XRCC6: variants seen among roughly 807,000 people sequenced by gnomAD.
XRCC6 encodes DNA repair protein Ku70.
XRCC6 carries 5 observed loss-of-function variants against 65.7 expected under a neutral mutation model. The ratio of observed to expected loss-of-function variants is 0.08; its 90% CI spans 0.04 to 0.16. The LOEUF (loss-of-function observed/expected upper bound fraction) is 0.16. XRCC6 is among the 10% of genes least tolerant of loss of function. The pLI, the probability that XRCC6 is intolerant of heterozygous loss-of-function variation, is 1.00. For missense variants in XRCC6, 447 were observed against 738.1 expected (o/e 0.61, Z 4.57); for synonymous variants, 270 against 270.6 (o/e 1.00, Z 0.02).
intron 9 of XRCC6, among the ~76,000 whole-genome samples, chr22:41,654,628 T>C (rs1221445342): frequency 6.6e-6 from 1 of 152,206 alleles, no homozygotes; most frequent in Non-Finnish European, 1.5e-5. Flanking sequence ...AGCCAGTAAC[T>C]GAACTAAAAT....
At chr22:41,660,570 CCATGA>C in intron 11 of XRCC6, among the ~76,000 whole-genome samples, 1 of 152,268 alleles carries the variant, frequency 6.6e-6, no homozygotes, top group East Asian at 1.9e-4. Flanking sequence ...ATCCCAGCTT[CCATGA>C]CCTCATCATA....
chr22:41,653,776 T>G, intron 9 of XRCC6, 86 bp downstream of exon 9: 2 of 1,470,642 alleles, frequency 1.4e-6, no homozygotes, highest in Non-Finnish European at 1.8e-6. Context: ...ACCTACTGAA[T>G]CATAGTCTCT....
chr22:41,663,186 C>T (rs997133985), intron 12 of XRCC6, among the ~76,000 whole-genome samples: 1 of 152,180 alleles, frequency 6.6e-6, no homozygotes, highest in African/African-American at 2.4e-5. Flanking sequence ...CTCACTGTAG[C>T]CTCAACCTCC....
In XRCC6 at chr22:41,663,905, T is replaced by G. The variant is rs950942872; in HGVS notation, c.*90T>G. 5 of 1,397,930 alleles carry G rather than the reference T, an allele frequency of 3.6e-6. No homozygotes were observed. Among genetic ancestry groups the G allele is most frequent in the Non-Finnish European group, 4.9e-6 (5 of 1,028,430 alleles). 86.6% of individuals were successfully genotyped at this position (1,397,930 alleles called of 1,614,324 possible). On this transcript the variant is annotated 3_prime_UTR_variant, in exon 13 of 13. Transcript: ENST00000360079. ...CAGTTAAAATGTGTTTCTCCTGAGC[T>G]AGGAAGAGTCTACCCGACATAAGTC...
At chr22:41,639,208 A>G (rs1354943149) in intron 6 of XRCC6, among the ~76,000 whole-genome samples, 1 of 152,150 alleles carries the variant, frequency 6.6e-6, no homozygotes, top group Admixed American at 6.6e-5. Context: ...GAAGAGCACA[A>G]AACAGAGCCT....
chr22:41,622,864 G>A (rs914523112), intron 2 of XRCC6, among the ~76,000 whole-genome samples: 2 of 151,542 alleles, frequency 1.3e-5, no homozygotes, highest in Admixed American at 6.6e-5. Flanking sequence ...AGAATGGTGC[G>A]AACCTGGGAG....
At position 41,663,654 on chromosome 22, in the gene XRCC6, G is replaced by A; in HGVS notation, c.1669G>A (p.Val557Met). The change falls in exon 13 of 13, where the codon GTG becomes ATG. Residue 557 changes from valine to methionine, a missense_variant. By Grantham distance (21) the Val-to-Met change is conservative. This residue lies in a region of XRCC6 where 201 missense variants were observed against 374.1 expected (regional missense o/e 0.54). Transcript: ENST00000360079. ...NEGSGSKRPK[V>M]EYSEEELKTH... is the part of the protein sequence containing the mutation. The stretch of plus-strand genomic sequence containing the variant: ...AGGTTCTGGAAGCAAAAGGCCCAAG[G>A]TGGAGTATTCAGAAGAGGAGCTGAA... 2 of 1,613,838 alleles carry A rather than the reference G, an allele frequency of 1.2e-6. No homozygotes were observed. Among genetic ancestry groups the A allele is most frequent in the South Asian group, 1.1e-5 (1 of 91,064 alleles).
intron 8 of XRCC6, 33 bp downstream of exon 8, chr22:41,650,924 A>G (rs1303070809): frequency 1.2e-6 from 2 of 1,612,304 alleles, no homozygotes; most frequent in Admixed American, 3.3e-5. Flanking sequence ...GAGTGACTCT[A>G]ACACACAGTG....
chr22:41,640,235 G>A (rs1376428738), intron 6 of XRCC6, among the ~76,000 whole-genome samples: 6 of 151,724 alleles, frequency 4.0e-5, no homozygotes, highest in Non-Finnish European at 8.8e-5. Context: ...TACAAGCTCC[G>A]CCTCCCGGGT....
rs1195147834 is a variant in XRCC6, at chr22:41,654,044, G to A, written c.1291+354G>A. On this transcript the variant is annotated intron_variant, in intron 9 of 12. Coordinates refer to ENST00000360079, the MANE Select transcript of XRCC6 (RefSeq NM_001469.5). ...CTTGTAATGTCTAATGTTTGGTTTA[G>A]TTCCTATACAAACCAACCATGGGGT... Among the ~76,000 whole-genome samples the A allele has an allele frequency of 2.0e-5, 3 of 152,096 alleles. No individual in the cohort carries two copies. In the East Asian group the frequency reaches 5.8e-4, roughly 29 times the overall value.
chr22:41,642,520 T>C (rs2067889877), intron 6 of XRCC6, among the ~76,000 whole-genome samples: 1 of 152,220 alleles, frequency 6.6e-6, no homozygotes, highest in African/African-American at 2.4e-5. Context: ...TTAAGAAATC[T>C]TTGCCAAGCT....
intron 2 of XRCC6, among the ~76,000 whole-genome samples, chr22:41,622,597 A>C (rs2067621475): frequency 6.6e-6 from 1 of 152,192 alleles, no homozygotes; most frequent in Admixed American, 6.5e-5. Flanking sequence ...TGTAATCTTC[A>C]TACTGGTTAA....
At chr22:41,637,524 G>A (rs1271477092) in intron 5 of XRCC6, 84 bp from the exon 6 acceptor site, 3 of 1,270,536 alleles carry the variant, frequency 2.4e-6, no homozygotes, top group African/African-American at 3.1e-5. Flanking sequence ...GCTTTTAAAA[G>A]CATGTTTCAG....
Position 41,663,555 on chromosome 22 carries a change from G to A in XRCC6, c.1637-67G>A, listed in dbSNP as rs929551537. 647 of 1,533,808 alleles carry A rather than the reference G, an allele frequency of 4.2e-4. 8 individuals are homozygous for A. The highest frequency in any genetic ancestry group is 5.2e-4 in the Middle Eastern group (3 of 5,734). ...GCCCAGATTATACGAGGTCCCCCAT[G>A]CCATGTAGCTGGGATGCCACTTGTA... On this transcript the variant is annotated intron_variant, in intron 12 of 12. Coordinates refer to ENST00000360079, the MANE Select transcript of XRCC6 (RefSeq NM_001469.5).
chr22:41,657,022 T>A lies in XRCC6; in HGVS notation c.1411T>A (p.Phe471Ile). ...KMKAIVEKLRFTYRSDSFENP... is the reference protein window; with the variant it reads ...KMKAIVEKLRITYRSDSFENP... ...GAAGGCTATCGTTGAGAAGCTTCGC[T>A]TCACATACAGGTGAGTCAATCTCAG... Residue 471 changes from phenylalanine to isoleucine, a missense_variant, in exon 10 of 13, where the codon TTC becomes ATC. By Grantham distance (21) the Phe-to-Ile change is conservative. Around this residue, in one of 4 missense-constraint regions of XRCC6, gnomAD observed 201 missense variants for 374.1 expected, o/e 0.54. Transcript: ENST00000360079. 6.3e-7 allele frequency: 1 copy of A among 1,589,154 alleles called. No homozygotes were observed. Among genetic ancestry groups the A allele is most frequent in the Non-Finnish European group, 8.5e-7 (1 of 1,172,166 alleles).
chr22:41,636,803 A>G (rs756129377), intron 5 of XRCC6, 33 bp downstream of exon 5: 22 of 1,595,042 alleles, frequency 1.4e-5, no homozygotes, highest in Non-Finnish European at 1.9e-5. Flanking sequence ...TTAAATTGGC[A>G]CTTAATTATT....
At chr22:41,634,915 C>T (rs543404984) in intron 3 of XRCC6, among the ~76,000 whole-genome samples, 1 of 152,160 alleles carries the variant, frequency 6.6e-6, no homozygotes, top group Non-Finnish European at 1.5e-5. Context: ...TAGACCTTTC[C>T]TGTTACTGGA....
chr22:41,636,440 T>G, intron 4 of XRCC6, 76 bp from the exon 5 acceptor site: 2 of 1,566,490 alleles, frequency 1.3e-6, no homozygotes, highest in Non-Finnish European at 1.7e-6. Context: ...AGGGTCCTTC[T>G]GTTAGTCTTG....
chr22:41,631,248 G>A (rs899614557), intron 3 of XRCC6, among the ~76,000 whole-genome samples: 7 of 151,326 alleles, frequency 4.6e-5, no homozygotes, highest in Admixed American at 6.6e-5. Flanking sequence ...CCCGGATGGG[G>A]CGGCTGGCCT....
Sources: allele counts gnomAD v4.1 joint callset (sites outside exome capture counted in the v4.1 genomes callset), GRCh38; gene constraint gnomAD v4.1.1; regional missense constraint gnomAD v4.1.1; transcripts MANE v1.5; gene names NCBI Gene and HGNC (gene_info 2026-07-23, HGNC 2026-07-21).